TAS2R1: variants seen among roughly 807,000 people sequenced by gnomAD.
The protein encoded by TAS2R1 is taste 2 receptor member 1.
For missense variants in TAS2R1, 370 were observed against 353.4 expected (o/e 1.05, Z -0.38); for synonymous variants, 141 against 134.2 (o/e 1.05, Z -0.35).
chr5:9,639,987 TCAAA>T (rs886139312), intron 2 of TAS2R1, among the ~76,000 whole-genome samples: 1 of 152,208 alleles, frequency 6.6e-6, no homozygotes, highest in Non-Finnish European at 1.5e-5. Flanking sequence ...TTAATTTTCT[TCAAA>T]CAGTTTTCCT....
At chr5:9,702,629 G>A (rs543996711) in intron 1 of TAS2R1, among the ~76,000 whole-genome samples, 4 of 152,184 alleles carry the variant, frequency 2.6e-5, no homozygotes, top group African/African-American at 4.8e-5. Flanking sequence ...AAGCAAATAC[G>A]TTTGAGGTTG....
At chr5:9,767,013 T>C in the TAS2R1 span, among the ~76,000 whole-genome samples, 1 of 152,082 alleles carries the variant, frequency 6.6e-6, no homozygotes, top group Non-Finnish European at 1.5e-5. Context: ...AAACAACACC[T>C]ACACATGGAT....
chr5:9,800,943 G>A, the TAS2R1 span, among the ~76,000 whole-genome samples: 426 of 152,240 alleles, frequency 2.8e-3, 2 homozygotes, highest in African/African-American at 9.8e-3. Context: ...TGTAATCCCC[G>A]TACTTTGGGA....
chr5:9,871,390 A>G, the TAS2R1 span, among the ~76,000 whole-genome samples: 1 of 152,184 alleles, frequency 6.6e-6, no homozygotes, highest in African/African-American at 2.4e-5. Flanking sequence ...CCTGTAGCCA[A>G]TGCCATAATT....
the TAS2R1 span, among the ~76,000 whole-genome samples, chr5:9,846,449 A>C: frequency 1.3e-5 from 2 of 152,140 alleles, no homozygotes; most frequent in Non-Finnish European, 2.9e-5. Context: ...CGGACACGCT[A>C]TTTCTATGCA....
intron 1 of TAS2R1, among the ~76,000 whole-genome samples, chr5:9,696,656 A>T (rs948417170): frequency 2.0e-5 from 3 of 152,230 alleles, no homozygotes; most frequent in Non-Finnish European, 2.9e-5. Context: ...TCAGAGGGAC[A>T]TTCATGCTTT....
At chr5:9,652,302 C>A (rs1026102006) in intron 2 of TAS2R1, among the ~76,000 whole-genome samples, 1 of 152,206 alleles carries the variant, frequency 6.6e-6, no homozygotes, top group Non-Finnish European at 1.5e-5. Flanking sequence ...AGTATCTGAG[C>A]AGCTCTTTTT....
chr5:9,731,309 G>A, the TAS2R1 span, among the ~76,000 whole-genome samples: 1 of 151,818 alleles, frequency 6.6e-6, no homozygotes, highest in Admixed American at 6.6e-5. Context: ...CCCTCCCACC[G>A]GCATCTGTCC....
rs114839496 is a variant in TAS2R1 at position 9,667,361 on chromosome 5, G to C, written c.-241-7780C>G. Among the ~76,000 whole-genome samples the C allele has an allele frequency of 7.0e-3, 1,069 of 152,264 alleles. 10 individuals are homozygous for C. The highest frequency in any genetic ancestry group is 0.024 in the African/African-American group (1,018 of 41,554). On this transcript the variant is annotated intron_variant, in intron 1 of 2. Transcript: ENST00000506620. The stretch of plus-strand genomic sequence containing the variant: ...TCTACCTCTGCCTGAATTTGCCAAA[G>C]GGTACAGCCTCCTGTTGCCCTGGAA...
the TAS2R1 span, chr5:9,902,577 T>C: frequency 3.3e-5 from 5 of 152,190 alleles, no homozygotes; most frequent in South Asian, 2.1e-4. Context: ...AGATCCATCA[T>C]AGAGGTGAGG....
intron 2 of TAS2R1, among the ~76,000 whole-genome samples, chr5:9,640,577 T>C (rs1037353672): frequency 2.0e-5 from 3 of 149,752 alleles, no homozygotes; most frequent in African/African-American, 4.9e-5. Flanking sequence ...TGAGGTATGC[T>C]TGTAGGGAAG....
upstream of TAS2R1, among the ~76,000 whole-genome samples, chr5:9,633,539 G>A (rs1018987484): frequency 3.3e-5 from 5 of 151,682 alleles, no homozygotes; most frequent in Non-Finnish European, 5.9e-5. Context: ...TTTTCACAGT[G>A]GTTGTACTAG....
the TAS2R1 span, among the ~76,000 whole-genome samples, chr5:9,843,058 G>A: frequency 1.3e-5 from 2 of 152,166 alleles, no homozygotes; most frequent in Admixed American, 1.3e-4. Flanking sequence ...CAGGCTAAAA[G>A]TTCAGCTGGC....
At chr5:9,812,840 T>C in the TAS2R1 span, among the ~76,000 whole-genome samples, 1 of 152,164 alleles carries the variant, frequency 6.6e-6, no homozygotes, top group Non-Finnish European at 1.5e-5. Flanking sequence ...CCAGTTTTTT[T>C]CTCTTCAGTT....
intron 1 of TAS2R1, among the ~76,000 whole-genome samples, chr5:9,709,536 T>A (rs550403164): frequency 6.6e-6 from 1 of 152,176 alleles, no homozygotes; most frequent in African/African-American, 2.4e-5. Context: ...CAAAAGAACA[T>A]GGCAGAAGTG....
the TAS2R1 span, among the ~76,000 whole-genome samples, chr5:9,721,338 T>G: frequency 1.3e-5 from 2 of 152,224 alleles, no homozygotes; most frequent in African/African-American, 4.8e-5. Context: ...AGCTACAGGA[T>G]CTGGAGTCAG....
At chr5:9,855,974 T>A in the TAS2R1 span, among the ~76,000 whole-genome samples, 2 of 152,026 alleles carry the variant, frequency 1.3e-5, no homozygotes, top group African/African-American at 2.4e-5. Context: ...GTTTTTTTTT[T>A]ATTTTGTTAC....
chr5:9,687,392 TGTAAA>T (rs1369905016), intron 1 of TAS2R1, among the ~76,000 whole-genome samples: 2 of 152,204 alleles, frequency 1.3e-5, no homozygotes, highest in East Asian at 1.9e-4. Flanking sequence ...TTTAAATACA[TGTAAA>T]GTACTCAACC....
chr5:9,718,125 A>ATTTT, the TAS2R1 span, among the ~76,000 whole-genome samples: 5 of 138,804 alleles, frequency 3.6e-5, no homozygotes, highest in African/African-American at 1.3e-4. Flanking sequence ...ATGCCCAGCA[A>ATTTT]TTTTTTTTTT....
Sources: allele counts gnomAD v4.1 joint callset (sites outside exome capture counted in the v4.1 genomes callset), GRCh38; gene constraint gnomAD v4.1.1; transcripts MANE v1.5; gene names NCBI Gene and HGNC (gene_info 2026-07-23, HGNC 2026-07-21).